Variants in FGF14 observed in about 807,000 individuals in gnomAD.
FGF14 encodes fibroblast growth factor 14.
FGF14 carries 5 observed loss-of-function variants against 25.5 expected under a neutral mutation model. The observed-to-expected ratio is 0.20, with a 90% confidence interval of 0.10 to 0.41. The LOEUF (loss-of-function observed/expected upper bound fraction) is 0.41, where lower values mean the gene tolerates loss of function less well. FGF14 is among the 10% of genes least tolerant of loss of function. The probability of loss-of-function intolerance (pLI) is 1.00; values close to 1 mark genes in which losing one functional copy is unlikely to be tolerated. For synonymous variants in FGF14, 138 were observed against 118.3 expected, an observed-to-expected ratio of 1.17 and a Z score of -1.08; for missense variants, 222 against 320.1, an observed-to-expected ratio of 0.69 and a Z score of 2.34.
At position 101,873,962 on chromosome 13, in the gene FGF14, A is replaced by G. The variant is rs192054364; in HGVS notation, c.304+1224T>C. Reference sequence around the variant, plus strand: ...AAGAGAGTAAAGAGATTAGAAATTGACACGGAGGACAATGTAGATATACAC... The same window carrying G: ...AAGAGAGTAAAGAGATTAGAAATTGGCACGGAGGACAATGTAGATATACAC... On this transcript the variant is annotated intron_variant, in intron 2 of 4. Coordinates refer to ENST00000376143, the MANE Select transcript of FGF14 (RefSeq NM_004115.4). Among the ~76,000 whole-genome samples the G allele has an allele frequency of 7.3e-4, 111 of 152,216 alleles. 1 individual carries two copies. The East Asian group carries it at 0.018, about 25-fold the overall frequency.
intron 1 of FGF14, among the ~76,000 whole-genome samples, chr13:102,278,338 G>C (rs2053644727): frequency 6.6e-6 from 1 of 152,170 alleles, no homozygotes; most frequent in Non-Finnish European, 1.5e-5. Flanking sequence ...CTTCACAGAG[G>C]AAGCAGCGGA....
rs1287557544 is a variant in FGF14, at chr13:102,012,975, T to G, written c.209-137679A>C. On this transcript the variant is annotated intron_variant, in intron 1 of 4. Transcript: ENST00000376131. ...TGCTAATGGGGTGATGAATTACCCATTCAAAGCATCTCCTCACCAATTTTA... is the reference window on the plus strand; with the variant it reads ...TGCTAATGGGGTGATGAATTACCCAGTCAAAGCATCTCCTCACCAATTTTA... Among the ~76,000 whole-genome samples, 9 of 152,166 alleles carry G rather than the reference T, an allele frequency of 5.9e-5. No homozygotes were observed. In the South Asian group the frequency reaches 1.9e-3, roughly 32 times the overall value.
intron 1 of FGF14, among the ~76,000 whole-genome samples, chr13:101,903,168 T>A (rs1399247172): frequency 9.2e-5 from 14 of 152,164 alleles, no homozygotes; most frequent in Admixed American, 9.2e-4. Context: ...AGACTGAAGA[T>A]CTGAAATTCC....
chr13:102,195,314 T>A (rs1005026595), intron 1 of FGF14, among the ~76,000 whole-genome samples: 2 of 152,134 alleles, frequency 1.3e-5, no homozygotes, highest in Non-Finnish European at 2.9e-5. Flanking sequence ...GATGGACTTA[T>A]AATCTGTAAA....
At chr13:102,097,842 C>T (rs61966547) in intron 1 of FGF14, among the ~76,000 whole-genome samples, 3 of 152,152 alleles carry the variant, frequency 2.0e-5, no homozygotes, top group Non-Finnish European at 2.9e-5. Flanking sequence ...ACAACTGCCA[C>T]GTGTGTAAAG....
At chr13:101,788,943 GAGAGAC>G (rs61382524) in intron 3 of FGF14, among the ~76,000 whole-genome samples, 1,282 of 51,840 alleles carry the variant, frequency 0.025, 7 homozygotes, top group Non-Finnish European at 0.033. Context: ...GAGAGAGAGA[GAGAGAC>G]AGAGAGAGAG....
At chr13:102,379,178 A>T (rs2058117677) in intron 1 of FGF14, among the ~76,000 whole-genome samples, 3 of 152,152 alleles carry the variant, frequency 2.0e-5, no homozygotes, top group Admixed American at 2.0e-4. Flanking sequence ...GGTTATTTGT[A>T]CTGAAAGAGC....
chr13:101,767,254 C>G (rs1167709433), intron 3 of FGF14, among the ~76,000 whole-genome samples: 1 of 152,012 alleles, frequency 6.6e-6, no homozygotes, highest in Non-Finnish European at 1.5e-5. Flanking sequence ...GGTTTGTCAC[C>G]ATCGCTGCCT....
At chr13:102,359,667 A>G (rs576413408) in intron 1 of FGF14, among the ~76,000 whole-genome samples, 44 of 152,280 alleles carry the variant, frequency 2.9e-4, no homozygotes, top group African/African-American at 1.1e-3. Context: ...TCCAAATTAA[A>G]ACTTCATTTT....
At chr13:101,941,534 G>T (rs541565051) in intron 1 of FGF14, among the ~76,000 whole-genome samples, 33 of 152,280 alleles carry the variant, frequency 2.2e-4, no homozygotes, top group Non-Finnish European at 4.6e-4. Flanking sequence ...GTCCTGAGTT[G>T]CAGCAAGACT....
At chr13:102,328,568 T>C (rs947059598) in intron 1 of FGF14, among the ~76,000 whole-genome samples, 2 of 152,248 alleles carry the variant, frequency 1.3e-5, no homozygotes, top group Admixed American at 6.5e-5. Context: ...TGTCCATTCA[T>C]GGAGCTCCCA....
chr13:101,803,261 T>G (rs1389992668), intron 3 of FGF14, among the ~76,000 whole-genome samples: 1 of 151,592 alleles, frequency 6.6e-6, no homozygotes, highest in Non-Finnish European at 1.5e-5. Flanking sequence ...CCCAAGCAAC[T>G]GGGACCACAG....
intron 1 of FGF14, among the ~76,000 whole-genome samples, chr13:102,112,829 G>A (rs1248375645): frequency 3.3e-5 from 5 of 152,286 alleles, no homozygotes; most frequent in Non-Finnish European, 7.3e-5. Flanking sequence ...CCTTACAGAT[G>A]AGAATATAGT....
At chr13:102,298,817 A>T (rs1470371578) in intron 1 of FGF14, among the ~76,000 whole-genome samples, 1 of 152,174 alleles carries the variant, frequency 6.6e-6, no homozygotes, top group Non-Finnish European at 1.5e-5. Context: ...TTTATTTTTT[A>T]AAATTCCGGT....
At position 102,368,661 on chromosome 13, in the gene FGF14, T is replaced by C. The variant is rs146153655; in HGVS notation, c.208+32810A>G. On this transcript the variant is annotated intron_variant, in intron 1 of 4. Coordinates refer to the FGF14 transcript ENST00000376131. ...ACAGAAATGATAATAGCTTAAAAGA[T>C]TTACCAATCCTGACAATAATGCCAT... Among the ~76,000 whole-genome samples the C allele has an allele frequency of 9.9e-3, 1,504 of 152,270 alleles. 14 individuals carry two copies. Among genetic ancestry groups the C allele is most frequent in the Non-Finnish European group, 0.016 (1,122 of 68,014 alleles).
chr13:102,319,023 G>A (rs964825632), intron 1 of FGF14, among the ~76,000 whole-genome samples: 4 of 152,176 alleles, frequency 2.6e-5, no homozygotes, highest in Admixed American at 2.0e-4. Flanking sequence ...GAGAGAAGCC[G>A]TTGCTGCGAG....
At position 101,954,863 on chromosome 13, in the gene FGF14, A is replaced by G. The variant is rs759229990; in HGVS notation, c.209-79567T>C. 1.4e-3 allele frequency among the ~76,000 whole-genome samples: 211 copies of G among 152,382 alleles called. 2 individuals carry two copies. Among genetic ancestry groups the G allele is most frequent in the Middle Eastern group, 3.4e-3 (1 of 294 alleles). The stretch of plus-strand genomic sequence containing the variant: ...ATTGGAAGTGGCTGTTAAACATCTC[A>G]GCTAACAGATTTAGCCTGGAGGAGA... On this transcript the variant is annotated intron_variant, in intron 1 of 4. Coordinates refer to the FGF14 transcript ENST00000376131.
At chr13:102,170,056 A>G (rs77034588) in intron 1 of FGF14, among the ~76,000 whole-genome samples, 2,066 of 152,252 alleles carry the variant, frequency 0.014, 46 homozygotes, top group African/African-American at 0.047. Flanking sequence ...GGAAAGGGGC[A>G]AAGTCCTTGT....
At chr13:102,175,994 C>T (rs772686319) in intron 1 of FGF14, among the ~76,000 whole-genome samples, 28 of 151,946 alleles carry the variant, frequency 1.8e-4, no homozygotes, top group Non-Finnish European at 3.5e-4. Flanking sequence ...ACAACCCCCA[C>T]GGAAAACAGT....
Sources: allele counts gnomAD v4.1 joint callset (sites outside exome capture counted in the v4.1 genomes callset), GRCh38; gene constraint gnomAD v4.1.1; transcripts MANE v1.5; gene names NCBI Gene and HGNC (gene_info 2026-07-23, HGNC 2026-07-21).